The following GPC3 variants were observed in gnomAD, a reference collection of about 807,000 sequenced individuals.
GPC3 encodes the protein glypican 3, also known as glypican-3.
In GPC3, 3 loss-of-function variants were observed where a neutral mutation model predicts 34.4. That is an observed-to-expected ratio of 0.09 (90% CI 0.04 to 0.23). The LOEUF is 0.23. Among genes scored for constraint, GPC3 ranks in the 10% least tolerant of loss-of-function variants. GPC3 has a pLI of 1.00. For missense variants in GPC3, 351 were observed against 445.6 expected (o/e 0.79, Z 1.91); for synonymous variants, 177 against 174.0 (o/e 1.02, Z -0.13).
chrX:133,700,457 C>T (rs919191451), intron 3 of GPC3, among the ~76,000 whole-genome samples: 1 of 111,391 alleles, frequency 9.0e-6, no homozygotes, highest in Admixed American at 9.6e-5. Flanking sequence ...AGACCAGCCT[C>T]CCAAGCACAG....
Position 133,535,864 on chromosome X carries a change from A to C in GPC3, c.*260T>G. ...TGTTCTAGCAGCCAAACATAGGAGA[A>C]TAATTTGGCACAACTTGATGGTTTT... is the stretch of plus-strand genomic sequence containing the variant. On this transcript the variant is annotated 3_prime_UTR_variant, in exon 8 of 8. Transcript: ENST00000370818. 2.7e-6 allele frequency: 1 copy of C among 367,785 alleles called. No homozygotes were observed. Among genetic ancestry groups the C allele is most frequent in the East Asian group, 4.2e-5 (1 of 23,979 alleles). The allele number at this position is 367,785 out of a possible 1,213,427, so 30.3% of individuals were successfully genotyped here. A position where few individuals can be genotyped will look rare whatever the true frequency, so the allele number is the denominator to read the frequency against.
chrX:133,884,110 G>C (rs2076053103), intron 2 of GPC3, among the ~76,000 whole-genome samples: 1 of 111,473 alleles, frequency 9.0e-6, no homozygotes, highest in Non-Finnish European at 1.9e-5. Context: ...TGAGATCCCA[G>C]AGTCAAGAAA....
At chrX:133,883,333 A>C (rs771950693) in intron 2 of GPC3, among the ~76,000 whole-genome samples, 13 of 111,463 alleles carry the variant, frequency 1.2e-4, no homozygotes, top group Non-Finnish European at 2.3e-4. Context: ...AATTTTTTCT[A>C]TACCTTTTCT....
chrX:133,760,839 T>C (rs73564948), intron 2 of GPC3, among the ~76,000 whole-genome samples: 4,232 of 111,780 alleles, frequency 0.038, 201 homozygotes, highest in African/African-American at 0.13. Flanking sequence ...ACCAAACTAA[T>C]GCTAATAATG....
chrX:133,544,851 A>G (rs1224449272), intron 7 of GPC3, among the ~76,000 whole-genome samples: 1 of 111,730 alleles, frequency 9.0e-6, no homozygotes, highest in Non-Finnish European at 1.9e-5. Context: ...ATTTAGGCAC[A>G]TCATGAGTCA....
At chrX:133,579,118 A>ACAATTTT (rs1464014903) in intron 7 of GPC3, among the ~76,000 whole-genome samples, 1 of 111,514 alleles carries the variant, frequency 9.0e-6, no homozygotes, top group Non-Finnish European at 1.9e-5. Context: ...CTGCCAGCCT[A>ACAATTTT]CAATTTTCTT....
chrX:133,571,176 T>C (rs1296341990), intron 7 of GPC3, among the ~76,000 whole-genome samples: 1 of 111,877 alleles, frequency 8.9e-6, no homozygotes, highest in Non-Finnish European at 1.9e-5. Context: ...AAAGGCAATA[T>C]TGAACACCAT....
At chrX:133,652,405 T>C (rs1603211166) in intron 6 of GPC3, among the ~76,000 whole-genome samples, 1 of 111,086 alleles carries the variant, frequency 9.0e-6, no homozygotes, top group South Asian at 3.9e-4. Flanking sequence ...ATAGGGACTA[T>C]GAAAAAAATA....
At chrX:133,796,987 C>A in intron 2 of GPC3, among the ~76,000 whole-genome samples, 1 of 111,187 alleles carries the variant, frequency 9.0e-6, no homozygotes, top group Non-Finnish European at 1.9e-5. Context: ...GACATTTTAC[C>A]CAGTTGCAAT....
chrX:133,830,001 A>C (rs2075767436), intron 2 of GPC3, among the ~76,000 whole-genome samples: 2 of 112,363 alleles, frequency 1.8e-5, no homozygotes, highest in Admixed American at 9.4e-5. Flanking sequence ...CTGCAAGATA[A>C]TTTGCATATA....
chrX:133,984,004 G>A (rs2076553417), intron 1 of GPC3, among the ~76,000 whole-genome samples: 1 of 113,198 alleles, frequency 8.8e-6, no homozygotes, highest in South Asian at 3.6e-4. Flanking sequence ...AAAAGGCTGA[G>A]GGCGCGCTGG....
intron 2 of GPC3, among the ~76,000 whole-genome samples, chrX:133,770,287 G>C (rs190644155): frequency 9.0e-6 from 1 of 111,261 alleles, no homozygotes; most frequent in East Asian, 2.8e-4. Context: ...AAAAAAAATC[G>C]CATGTGAGGT....
chrX:133,763,113 A>G, intron 2 of GPC3: 1 of 680,717 alleles, frequency 1.5e-6, no homozygotes, highest in African/African-American at 2.1e-5. Context: ...TCACTCCTGG[A>G]ATCTTCACTA....
chrX:133,915,234 C>T (rs1243787013), intron 2 of GPC3, among the ~76,000 whole-genome samples: 7 of 109,511 alleles, frequency 6.4e-5, no homozygotes, highest in East Asian at 5.7e-4. Context: ...AGAGCAATGG[C>T]GCAATCTCAG....
intron 2 of GPC3, among the ~76,000 whole-genome samples, chrX:133,855,013 C>A (rs1245913682): frequency 8.9e-6 from 1 of 112,075 alleles, no homozygotes; most frequent in African/African-American, 3.2e-5. Flanking sequence ...AAACATTTTT[C>A]TTTGTGAATG....
chrX:133,781,926 T>C lies in GPC3; in HGVS notation c.338-27750A>G, dbSNP rs186173315. Among the ~76,000 whole-genome samples, 14 of 111,882 alleles carry C rather than the reference T, an allele frequency of 1.3e-4. No individual in the cohort carries two copies. In the East Asian group the frequency reaches 3.7e-3, roughly 29 times the overall value. On this transcript the variant is annotated intron_variant, in intron 2 of 7. Coordinates refer to ENST00000370818, the MANE Select transcript of GPC3 (RefSeq NM_004484.4). ...TCTCTTATGCCCTCAACAGCTTATT[T>C]TGGGTTCCTGGGGCTTTAATCTTCC... is the stretch of plus-strand genomic sequence containing the variant.
chrX:133,867,984 A>G (rs1306090780), intron 2 of GPC3, among the ~76,000 whole-genome samples: 1 of 109,398 alleles, frequency 9.1e-6, no homozygotes, highest in Non-Finnish European at 1.9e-5. Context: ...CATCCCACTG[A>G]GAGGCACCTC....
intron 6 of GPC3, among the ~76,000 whole-genome samples, chrX:133,632,650 C>T (rs767524804): frequency 8.9e-6 from 1 of 111,795 alleles, no homozygotes; most frequent in African/African-American, 3.2e-5. Context: ...TCTTCCTTTT[C>T]GTAATTCTTA....
At position 133,618,964 on chromosome X, in the gene GPC3, T is replaced by A. The variant is rs138502983; in HGVS notation, c.1414-22365A>T. Among the ~76,000 whole-genome samples the A allele has an allele frequency of 1.4e-4, 16 of 110,743 alleles. No homozygotes were observed. The East Asian group carries it at 4.5e-3, about 31-fold the overall frequency. On this transcript the variant is annotated intron_variant, in intron 6 of 7. Coordinates refer to ENST00000370818, the MANE Select transcript of GPC3 (RefSeq NM_004484.4). Reference sequence around the variant, plus strand: ...TCTGAAGAGTCTTGTATCCAGAATATCTAAAGAACTCTTACAAGTCAAAAA... The same window carrying A: ...TCTGAAGAGTCTTGTATCCAGAATAACTAAAGAACTCTTACAAGTCAAAAA...
Sources: gnomAD v4.1 joint callset for allele counts (sites outside exome capture counted in the v4.1 genomes callset) on GRCh38, gnomAD v4.1.1 for gene constraint, MANE v1.5 for transcripts, NCBI Gene and HGNC (gene_info 2026-07-23, HGNC 2026-07-21) for gene names.